DCUN1D5: variants seen among roughly 807,000 people sequenced by gnomAD.
The protein encoded by DCUN1D5 is DCN1-like protein 5.
In DCUN1D5, 10 loss-of-function variants were observed where a neutral mutation model predicts 38.3. The ratio of observed to expected loss-of-function variants is 0.26; its 90% confidence interval spans 0.16 to 0.44. The LOEUF (loss-of-function observed/expected upper bound fraction) is 0.44, where lower values mean the gene tolerates loss of function less well. Among genes scored for constraint, DCUN1D5 ranks in the 20% least tolerant of loss-of-function variants. The pLI is 1.00. For synonymous variants in DCUN1D5, 93 were observed against 90.9 expected (o/e 1.02, Z -0.13); for missense variants, 148 against 275.3 (o/e 0.54, Z 3.27).
At position 103,071,556 on chromosome 11, in the gene DCUN1D5, G is replaced by C. The variant is rs1018882598; in HGVS notation, c.342-4989C>G. Among the ~76,000 whole-genome samples, 2 of 148,990 alleles carry C rather than the reference G, an allele frequency of 1.3e-5. No homozygotes were observed. Among genetic ancestry groups the C allele is most frequent in the East Asian group, 3.9e-4 (2 of 5,102 alleles). On this transcript the variant is annotated intron_variant, in intron 4 of 7. Coordinates refer to ENST00000260247, the MANE Select transcript of DCUN1D5 (RefSeq NM_032299.4). The surrounding 1 kb of genome is among the most constrained non-coding windows in gnomAD (Gnocchi z 4.1). ...TATATATAGATATTTTATATCTATT[G>C]ATTTATATAGATATAATCTATATCT...
chr11:103,070,490 C>T (rs950784808), intron 4 of DCUN1D5, among the ~76,000 whole-genome samples: 2 of 152,004 alleles, frequency 1.3e-5, no homozygotes, highest in African/African-American at 4.8e-5. Context: ...ATAAAAGGGT[C>T]AATCCATCAG....
rs1031769479 is a variant in DCUN1D5 at position 103,052,882 on chromosome 11, T to C, written c.*9477A>G. ...CACATGTTTGATGTCAAGGTGCAAA[T>C]GTGCAAGTAGTGGTTTTTAAAACCT... On this transcript the variant is annotated 3_prime_UTR_variant, in exon 8 of 8. Coordinates refer to ENST00000260247, the MANE Select transcript of DCUN1D5 (RefSeq NM_032299.4). The C allele has an allele frequency of 2.0e-5, 3 of 152,200 alleles. No homozygotes were observed. The highest frequency in any genetic ancestry group is 6.5e-5 in the Admixed American group (1 of 15,284). 9.4% of individuals were successfully genotyped at this position (152,200 alleles called of 1,614,324 possible).
At chr11:103,069,967 G>A (rs1288996389) in intron 4 of DCUN1D5, among the ~76,000 whole-genome samples, 8 of 151,930 alleles carry the variant, frequency 5.3e-5, no homozygotes, top group Non-Finnish European at 1.2e-4. Context: ...ATCTCAAATG[G>A]AATGCAAAAA....
chr11:103,075,686 T>C (rs774291311), intron 4 of DCUN1D5, among the ~76,000 whole-genome samples: 17 of 152,184 alleles, frequency 1.1e-4, no homozygotes, highest in Non-Finnish European at 2.1e-4. Flanking sequence ...GCCAAGATGT[T>C]TTTATATGTT....
rs1165313274 is a variant in DCUN1D5, at chr11:103,077,620, G to A, written c.341+5128C>T. Among the ~76,000 whole-genome samples, 1 of 152,158 alleles carries A rather than the reference G, an allele frequency of 6.6e-6. No homozygotes were observed. The highest frequency in any genetic ancestry group is 2.4e-5 in the African/African-American group (1 of 41,428). ...TATTGCTAAGCAACTGATTACAAAGGGAGGCTTTTGAACTTGTGTTTCATT... is the reference window on the plus strand; with the variant it reads ...TATTGCTAAGCAACTGATTACAAAGAGAGGCTTTTGAACTTGTGTTTCATT... On this transcript the variant is annotated intron_variant, in intron 4 of 7. Transcript: ENST00000260247. This position sits in a 1 kb window ranked among gnomAD's most constrained non-coding sequence, Gnocchi z 4.3.
At chr11:103,079,659 C>T (rs1264016243) in intron 4 of DCUN1D5, among the ~76,000 whole-genome samples, 1 of 151,674 alleles carries the variant, frequency 6.6e-6, no homozygotes, top group Non-Finnish European at 1.5e-5. Context: ...TGGCATGTGC[C>T]TGTGGTCCCA....
rs1861924435 is a variant in DCUN1D5 at position 103,058,220 on chromosome 11, C to T, written c.*4139G>A. On this transcript the variant is annotated 3_prime_UTR_variant, in exon 8 of 8. Coordinates refer to ENST00000260247, the MANE Select transcript of DCUN1D5 (RefSeq NM_032299.4). ...TTATAAGAGGTTCTAATACATGACA[C>T]AGCATACACAGCAAAATGTTTCATC... Among the ~76,000 whole-genome samples, 1 of 152,102 alleles carries T rather than the reference C, an allele frequency of 6.6e-6. No individual in the cohort carries two copies. Among genetic ancestry groups the T allele is most frequent in the South Asian group, 2.1e-4 (1 of 4,826 alleles).
In DCUN1D5 at chr11:103,083,384, C is replaced by T. The variant is rs939323843; in HGVS notation, c.179-58G>A. Reference sequence around the variant, plus strand: ...TATAATATCAACATAAAACATAAATCGTCATGCTAAAGGTACCCATGAACA... The same window carrying T: ...TATAATATCAACATAAAACATAAATTGTCATGCTAAAGGTACCCATGAACA... On this transcript the variant is annotated intron_variant, in intron 2 of 7. Transcript: ENST00000260247. The surrounding 1 kb of genome is among the most constrained non-coding windows in gnomAD (Gnocchi z 4.4). The T allele has an allele frequency of 1.5e-5, 15 of 991,674 alleles. No individual in the cohort carries two copies. Among genetic ancestry groups the T allele is most frequent in the African/African-American group, 1.1e-4 (7 of 62,060 alleles). 61.4% of individuals were successfully genotyped at this position (991,674 alleles called of 1,614,324 possible).
chr11:103,066,899 T>C lies in DCUN1D5; in HGVS notation c.342-332A>G, dbSNP rs773844541. ...ATGTATTAAAACATGTTTTATCACATATACAGCTAAAAATGGCAGAGCAAA... is the reference window on the plus strand; with the variant it reads ...ATGTATTAAAACATGTTTTATCACACATACAGCTAAAAATGGCAGAGCAAA... On this transcript the variant is annotated intron_variant, in intron 4 of 7. Coordinates refer to ENST00000260247, the MANE Select transcript of DCUN1D5 (RefSeq NM_032299.4). The surrounding 1 kb of genome is among the most constrained non-coding windows in gnomAD (Gnocchi z 4.7). Among the ~76,000 whole-genome samples, 1 of 152,212 alleles carries C rather than the reference T, an allele frequency of 6.6e-6. No homozygotes were observed.
In DCUN1D5 at chr11:103,057,841, T is replaced by C. The variant is rs1464995665; in HGVS notation, c.*4518A>G. 1.3e-5 allele frequency among the ~76,000 whole-genome samples: 2 copies of C among 152,182 alleles called. No individual in the cohort carries two copies. Among genetic ancestry groups the C allele is most frequent in the Admixed American group, 6.5e-5 (1 of 15,274 alleles). ...TCACTTCAAGTATTTATTAGCTTTT[T>C]AAAATCCACAATTTTAACCTCATAC... On this transcript the variant is annotated 3_prime_UTR_variant, in exon 8 of 8. Coordinates refer to ENST00000260247, the MANE Select transcript of DCUN1D5 (RefSeq NM_032299.4). The surrounding 1 kb of genome is among the most constrained non-coding windows in gnomAD (Gnocchi z 4.8).
At chr11:103,070,435 C>T (rs1862243686) in intron 4 of DCUN1D5, among the ~76,000 whole-genome samples, 1 of 152,018 alleles carries the variant, frequency 6.6e-6, no homozygotes, top group Non-Finnish European at 1.5e-5. Flanking sequence ...AGAGCAACTT[C>T]AGAGCAAAGA....
rs1393600028 is a variant in DCUN1D5, at chr11:103,073,821, C to G, written c.342-7254G>C. Among the ~76,000 whole-genome samples the G allele has an allele frequency of 6.6e-6, 1 of 152,054 alleles. No individual in the cohort carries two copies. The highest frequency in any genetic ancestry group is 2.4e-5 in the African/African-American group (1 of 41,390). On this transcript the variant is annotated intron_variant, in intron 4 of 7. Coordinates refer to ENST00000260247, the MANE Select transcript of DCUN1D5 (RefSeq NM_032299.4). This position sits in a 1 kb window ranked among gnomAD's most constrained non-coding sequence, Gnocchi z 4.2. ...GAGGCGGGGGCTCATGTCTGTAATCCCAACATTTTTGGAGGCTCAGGCGGG... is the reference window on the plus strand; with the variant it reads ...GAGGCGGGGGCTCATGTCTGTAATCGCAACATTTTTGGAGGCTCAGGCGGG...
At position 103,062,227 on chromosome 11, in the gene DCUN1D5, A is replaced by G; in HGVS notation, c.*132T>C. The G allele has an allele frequency of 1.2e-6, 1 of 848,620 alleles. No individual in the cohort carries two copies. The allele number at this position is 848,620 out of a possible 1,614,324, so 52.6% of individuals were successfully genotyped here. On this transcript the variant is annotated 3_prime_UTR_variant, in exon 8 of 8. Coordinates refer to ENST00000260247, the MANE Select transcript of DCUN1D5 (RefSeq NM_032299.4). This position sits in a 1 kb window ranked among gnomAD's most constrained non-coding sequence, Gnocchi z 4.6. ...AACAAGAAAAACCTCCTTTAAAAAA[A>G]GGAAAAAAAAGTACTATGAGAAGTC...
chr11:103,074,556 C>T (rs893190485), intron 4 of DCUN1D5, among the ~76,000 whole-genome samples: 1 of 152,142 alleles, frequency 6.6e-6, no homozygotes, highest in Non-Finnish European at 1.5e-5. Context: ...TGGGCGTGCA[C>T]CACCACATCC....
rs1862337872 is a variant in DCUN1D5, at chr11:103,073,808, C to T, written c.342-7241G>A. On this transcript the variant is annotated intron_variant, in intron 4 of 7. Transcript: ENST00000260247. This position sits in a 1 kb window ranked among gnomAD's most constrained non-coding sequence, Gnocchi z 4.2. ...GTACATCAAAACTGAGGCGGGGGCTCATGTCTGTAATCCCAACATTTTTGG... is the reference window on the plus strand; with the variant it reads ...GTACATCAAAACTGAGGCGGGGGCTTATGTCTGTAATCCCAACATTTTTGG... Among the ~76,000 whole-genome samples, 1 of 152,158 alleles carries T rather than the reference C, an allele frequency of 6.6e-6. No individual in the cohort carries two copies. The highest frequency in any genetic ancestry group is 1.5e-5 in the Non-Finnish European group (1 of 68,028).
Position 103,054,521 on chromosome 11 carries a change from T to C in DCUN1D5, c.*7838A>G, listed in dbSNP as rs1231443797. Reference sequence around the variant, plus strand: ...GAAGGGAAAAAGACATTTAAATAGATACAGCACAAGATATTAAGTGCTGTA... The same window carrying C: ...GAAGGGAAAAAGACATTTAAATAGACACAGCACAAGATATTAAGTGCTGTA... On this transcript the variant is annotated 3_prime_UTR_variant, in exon 8 of 8. Transcript: ENST00000260247. The C allele has an allele frequency of 2.6e-5, 4 of 152,242 alleles. No homozygotes were observed. Among genetic ancestry groups the C allele is most frequent in the Admixed American group, 2.0e-4 (3 of 15,278 alleles). 9.4% of individuals were successfully genotyped at this position (152,242 alleles called of 1,614,324 possible). A position where few individuals can be genotyped will look rare whatever the true frequency, so the allele number is the denominator to read the frequency against.
In DCUN1D5 at chr11:103,059,742, C is replaced by T. The variant is rs1254751386; in HGVS notation, c.*2617G>A. 4.0e-4 allele frequency among the ~76,000 whole-genome samples: 6 copies of T among 15,070 alleles called. No individual in the cohort carries two copies. The highest frequency in any genetic ancestry group is 2.2e-3 in the South Asian group (1 of 458). The allele number at this position is 15,070 out of a possible 152,430, so 9.9% of individuals were successfully genotyped here. On this transcript the variant is annotated 3_prime_UTR_variant, in exon 8 of 8. Coordinates refer to ENST00000260247, the MANE Select transcript of DCUN1D5 (RefSeq NM_032299.4). ...ATACCTTATTAAGAATTATTGGCCCCGAGGAGTGGGGGGGTGGGGGGGTTG... is the reference window on the plus strand; with the variant it reads ...ATACCTTATTAAGAATTATTGGCCCTGAGGAGTGGGGGGGTGGGGGGGTTG...
Position 103,056,646 on chromosome 11 carries a change from C to T in DCUN1D5, c.*5713G>A, listed in dbSNP as rs1196883921. Among the ~76,000 whole-genome samples, 1 of 152,150 alleles carries T rather than the reference C, an allele frequency of 6.6e-6. No individual in the cohort carries two copies. Among genetic ancestry groups the T allele is most frequent in the African/African-American group, 2.4e-5 (1 of 41,446 alleles). ...TTCGAAATTACTGTCTTGCTTCGTG[C>T]CCTGCAATATATTCAGGCCTAGAAT... On this transcript the variant is annotated 3_prime_UTR_variant, in exon 8 of 8. Transcript: ENST00000260247. This position sits in a 1 kb window ranked among gnomAD's most constrained non-coding sequence, Gnocchi z 4.9.
In DCUN1D5 at chr11:103,083,978, A is replaced by G. The variant is rs1862633861; in HGVS notation, c.179-652T>C. On this transcript the variant is annotated intron_variant, in intron 2 of 7. Transcript: ENST00000260247. The surrounding 1 kb of genome is among the most constrained non-coding windows in gnomAD (Gnocchi z 4.4). ...TGTAGAAACAGAAGTTTAATCTTTC[A>G]ATTAGTTAGTGTCTATCATTCATCC... Among the ~76,000 whole-genome samples, 1 of 152,068 alleles carries G rather than the reference A, an allele frequency of 6.6e-6. No individual in the cohort carries two copies.
Sources: allele counts gnomAD v4.1 joint callset (sites outside exome capture counted in the v4.1 genomes callset), GRCh38; gene constraint gnomAD v4.1.1; non-coding constraint Gnocchi (gnomAD v3.1); transcripts MANE v1.5; gene names NCBI Gene and HGNC (gene_info 2026-07-23, HGNC 2026-07-21).